The following BNC2 variants were observed in gnomAD, a reference collection of about 807,000 sequenced individuals.
BNC2 encodes the protein basonuclin zinc finger protein 2.
A neutral mutation model predicts 76.3 loss-of-function variants in BNC2; 20 were observed. The ratio of observed to expected loss-of-function variants is 0.26; its 90% CI spans 0.18 to 0.38. The LOEUF is 0.38. BNC2 is among the 10% of genes least tolerant of loss of function. BNC2 has a pLI of 1.00. For missense variants in BNC2, 1,382 were observed against 1,399.8 expected (o/e 0.99, Z 0.20); for synonymous variants, 582 against 514.8 (o/e 1.13, Z -1.77).
At chr9:16,584,144 A>G (rs1183391774) in intron 3 of BNC2, among the ~76,000 whole-genome samples, 1 of 152,214 alleles carries the variant, frequency 6.6e-6, no homozygotes, top group East Asian at 1.9e-4. Context: ...ACTGCCAGGA[A>G]AAGATCTCTC....
intron 6 of BNC2, chr9:16,431,346 T>A (rs1820904023): frequency 2.6e-6 from 1 of 381,890 alleles, no homozygotes; most frequent in Non-Finnish European, 5.8e-6. Flanking sequence ...ACTCAGCTCC[T>A]GGGGATCAAA....
intron 5 of BNC2, among the ~76,000 whole-genome samples, chr9:16,516,801 C>A (rs146680339): frequency 6.6e-6 from 1 of 151,984 alleles, no homozygotes; most frequent in Non-Finnish European, 1.5e-5. Context: ...TAAAATTTGT[C>A]GTATTAAAAG....
chr9:16,733,063 G>A (rs915260073), intron 2 of BNC2, among the ~76,000 whole-genome samples: 3 of 152,102 alleles, frequency 2.0e-5, no homozygotes, highest in Non-Finnish European at 2.9e-5. Context: ...ATGGCATTAA[G>A]GTATATAACT....
At position 16,459,461 on chromosome 9, in the gene BNC2, G is replaced by T. The variant is rs1162700421; in HGVS notation, c.670-21937C>A. The stretch of plus-strand genomic sequence containing the variant: ...TGAGGGTGGTGGGTGGGATTCGAAG[G>T]CTCTGGGCAAAATGAAACATGGTGG... On this transcript the variant is annotated intron_variant, in intron 5 of 6. Coordinates refer to ENST00000380672, the MANE Select transcript of BNC2 (RefSeq NM_017637.6). 2.0e-5 allele frequency among the ~76,000 whole-genome samples: 3 copies of T among 152,132 alleles called. No individual in the cohort carries two copies. The East Asian group carries it at 5.8e-4, about 29-fold the overall frequency.
rs927804346 is a variant in BNC2, at chr9:16,606,849, C to A, written c.331-23764G>T. On this transcript the variant is annotated intron_variant, in intron 3 of 6. Coordinates refer to ENST00000380672, the MANE Select transcript of BNC2 (RefSeq NM_017637.6). ...CTGGGATTAGAGGTGTGAGCCACCA[C>A]GCCTGGCCGGCGATCTGATGGTTTT... Among the ~76,000 whole-genome samples, 4 of 152,326 alleles carry A rather than the reference C, an allele frequency of 2.6e-5. No individual in the cohort carries two copies. In the South Asian group the frequency reaches 8.3e-4, roughly 32 times the overall value.
At chr9:16,699,066 A>G in intron 3 of BNC2, 1 of 404,066 alleles carries the variant, frequency 2.5e-6, no homozygotes, top group South Asian at 1.9e-5. Flanking sequence ...CTAAGATGGT[A>G]TTTTTAAGTT....
At chr9:16,654,027 A>G (rs1821860364) in intron 3 of BNC2, among the ~76,000 whole-genome samples, 1 of 152,032 alleles carries the variant, frequency 6.6e-6, no homozygotes, top group Non-Finnish European at 1.5e-5. Flanking sequence ...TTGTCACTCA[A>G]TAAATCACAC....
chr9:16,827,439 T>A (rs1407085969), intron 1 of BNC2, among the ~76,000 whole-genome samples: 1 of 152,148 alleles, frequency 6.6e-6, no homozygotes, highest in Non-Finnish European at 1.5e-5. Flanking sequence ...AAAGAGGTAT[T>A]GTACTGATGG....
At chr9:16,425,488 G>A (rs1159968795) in intron 6 of BNC2, among the ~76,000 whole-genome samples, 1 of 152,180 alleles carries the variant, frequency 6.6e-6, no homozygotes, top group Non-Finnish European at 1.5e-5. Flanking sequence ...ATTCTCCTGA[G>A]AAGCCATTTA....
chr9:16,461,704 C>A (rs1207610220), intron 5 of BNC2, among the ~76,000 whole-genome samples: 1 of 152,078 alleles, frequency 6.6e-6, no homozygotes, highest in African/African-American at 2.4e-5. Context: ...ACTGCTCGCT[C>A]CAGTGATTCA....
chr9:16,648,995 C>T (rs1368102204), intron 3 of BNC2, among the ~76,000 whole-genome samples: 1 of 152,260 alleles, frequency 6.6e-6, no homozygotes, highest in African/African-American at 2.4e-5. Flanking sequence ...ACGACTTAGT[C>T]GCCTTAGACT....
At chr9:16,860,359 C>G (rs577128034) in intron 1 of BNC2, among the ~76,000 whole-genome samples, 57 of 152,208 alleles carry the variant, frequency 3.7e-4, no homozygotes, top group Non-Finnish European at 6.6e-4. Flanking sequence ...TGGAATAGAA[C>G]AGAAATTCCA....
At chr9:16,837,763 T>C (rs1289599921) in intron 1 of BNC2, among the ~76,000 whole-genome samples, 2 of 152,198 alleles carry the variant, frequency 1.3e-5, no homozygotes, top group African/African-American at 4.8e-5. Flanking sequence ...ACTTCAGAGC[T>C]ATCAAATTAG....
intron 5 of BNC2, among the ~76,000 whole-genome samples, chr9:16,507,886 T>C (rs1446055228): frequency 1.3e-5 from 2 of 152,178 alleles, no homozygotes; most frequent in African/African-American, 4.8e-5. Context: ...GGCCAAACTA[T>C]TGAGAACATT....
At chr9:16,781,607 T>G (rs1005378001) in intron 1 of BNC2, among the ~76,000 whole-genome samples, 1 of 152,208 alleles carries the variant, frequency 6.6e-6, no homozygotes. Context: ...CCTCCCAAAG[T>G]GCTGAAAGGA....
intron 5 of BNC2, among the ~76,000 whole-genome samples, chr9:16,466,127 T>C (rs1369749129): frequency 2.3e-5 from 1 of 43,148 alleles, no homozygotes; most frequent in Non-Finnish European, 4.6e-5. Flanking sequence ...TTACAAGGGA[T>C]GTGAAGGACC....
At chr9:16,512,553 A>G (rs1318401124) in intron 5 of BNC2, among the ~76,000 whole-genome samples, 1 of 152,154 alleles carries the variant, frequency 6.6e-6, no homozygotes, top group East Asian at 1.9e-4. Flanking sequence ...CAACTGAACT[A>G]ACTTGTTGCA....
chr9:16,663,787 A>G (rs1270460885), intron 3 of BNC2, among the ~76,000 whole-genome samples: 1 of 152,226 alleles, frequency 6.6e-6, no homozygotes, highest in Admixed American at 6.5e-5. Flanking sequence ...TCCTTACTTA[A>G]TAAGAAAGAA....
At chr9:16,822,092 C>CAAAAA (rs531393812) in intron 1 of BNC2, among the ~76,000 whole-genome samples, 3 of 32,598 alleles carry the variant, frequency 9.2e-5, no homozygotes, top group Admixed American at 3.1e-4. Context: ...GACTCCATCT[C>CAAAAA]AAAAAAAAAA....
Sources: gnomAD v4.1 joint callset for allele counts (sites outside exome capture counted in the v4.1 genomes callset) on GRCh38, gnomAD v4.1.1 for gene constraint, MANE v1.5 for transcripts, NCBI Gene and HGNC (gene_info 2026-07-23, HGNC 2026-07-21) for gene names.